Variants in NME7 observed in about 807,000 individuals in gnomAD.
NME7 encodes nucleoside diphosphate kinase 7.
A neutral mutation model predicts 49.1 loss-of-function variants in NME7; 41 were observed. That is an observed-to-expected ratio of 0.83 (90% CI 0.65 to 1.08). The LOEUF is 1.08. Among genes scored for constraint, NME7 ranks in the 50% least tolerant of loss-of-function variants. NME7 has a pLI of 0.00. For synonymous variants in NME7, 139 were observed against 150.6 expected (o/e 0.92, Z 0.56); for missense variants, 423 against 463.4 (o/e 0.91, Z 0.80).
chr1:169,275,251 T>C (rs142698411), intron 7 of NME7, among the ~76,000 whole-genome samples: 1,762 of 130,852 alleles, frequency 0.013, 218 homozygotes, highest in African/African-American at 0.043. Context: ...AGCTCACTCA[T>C]GATTTGGCTC....
At chr1:169,183,717 G>T (rs1028850655) in intron 10 of NME7, among the ~76,000 whole-genome samples, 1 of 152,098 alleles carries the variant, frequency 6.6e-6, no homozygotes, top group African/African-American at 2.4e-5. Flanking sequence ...CAGGAGAATG[G>T]CGTGAACCCG....
chr1:169,350,241 A>G (rs200096049), intron 1 of NME7, among the ~76,000 whole-genome samples: 31 of 3,724 alleles, frequency 8.3e-3, no homozygotes, highest in African/African-American at 0.017. Context: ...AAAGAAAGAA[A>G]GAAAGAAGGA....
At chr1:169,291,481 A>G (rs1191727231) in intron 6 of NME7, among the ~76,000 whole-genome samples, 1 of 152,046 alleles carries the variant, frequency 6.6e-6, no homozygotes, top group African/African-American at 2.4e-5. Context: ...GGAGGGGAAC[A>G]TCACACACCG....
chr1:169,171,489 G>A (rs1004068196), intron 10 of NME7, among the ~76,000 whole-genome samples: 16 of 152,300 alleles, frequency 1.1e-4, no homozygotes, highest in African/African-American at 2.6e-4. Flanking sequence ...TTGGCCTAGC[G>A]CGGTGGATCA....
intron 10 of NME7, among the ~76,000 whole-genome samples, chr1:169,217,297 T>C (rs1660997848): frequency 6.6e-6 from 1 of 152,194 alleles, no homozygotes. Flanking sequence ...GGTAGCCACA[T>C]GTGGCTATTA....
At chr1:169,221,212 T>C (rs12143963) in intron 10 of NME7, among the ~76,000 whole-genome samples, 37,263 of 152,196 alleles carry the variant, frequency 0.24, 5,536 homozygotes, top group Non-Finnish European at 0.34. Context: ...CAACTCACCA[T>C]CATCTTGTAC....
At chr1:169,297,182 C>G (rs1303316499) in intron 6 of NME7, among the ~76,000 whole-genome samples, 1 of 152,036 alleles carries the variant, frequency 6.6e-6, no homozygotes, top group African/African-American at 2.4e-5. Flanking sequence ...CCATATTGGC[C>G]AGGCTGGTCT....
At chr1:169,293,498 T>A (rs1571362916) in intron 6 of NME7, among the ~76,000 whole-genome samples, 1 of 152,152 alleles carries the variant, frequency 6.6e-6, no homozygotes, top group African/African-American at 2.4e-5. Context: ...CAACTTCTCA[T>A]TATATTTGGG....
rs1660260174 is a variant in NME7, at chr1:169,192,452, G to A, written c.991-22898C>T. ...AGCATTTACATTGTATTAGGTATAA[G>A]TAAACTAGAGATGATAAAGGAAGAT... On this transcript the variant is annotated intron_variant, in intron 10 of 11. Coordinates refer to ENST00000367811, the MANE Select transcript of NME7 (RefSeq NM_013330.5). Among the ~76,000 whole-genome samples the A allele has an allele frequency of 1.3e-5, 2 of 152,082 alleles. 1 individual carries two copies. The highest frequency in any genetic ancestry group is 3.8e-4 in the East Asian group (2 of 5,196).
At chr1:169,346,064 A>G (rs1314362729) in intron 1 of NME7, among the ~76,000 whole-genome samples, 2 of 151,852 alleles carry the variant, frequency 1.3e-5, no homozygotes, top group African/African-American at 2.4e-5. Context: ...CCACTTTACT[A>G]CCTCCACTGC....
At position 169,166,017 on chromosome 1, in the gene NME7, A is replaced by G. The variant is rs553385430; in HGVS notation, c.1098+3430T>C. Reference sequence around the variant, plus strand: ...AAGTTAGATCAGAAAAATTGCAATCATTTAGTAAATGGCTTTGCAAACTAC... The same window carrying G: ...AAGTTAGATCAGAAAAATTGCAATCGTTTAGTAAATGGCTTTGCAAACTAC... On this transcript the variant is annotated intron_variant, in intron 11 of 11. Coordinates refer to ENST00000367811, the MANE Select transcript of NME7 (RefSeq NM_013330.5). 2.6e-5 allele frequency among the ~76,000 whole-genome samples: 4 copies of G among 152,354 alleles called. No individual in the cohort carries two copies. In the East Asian group the frequency reaches 7.7e-4, roughly 29 times the overall value.
In NME7 at chr1:169,362,987, C is replaced by T. The variant is rs562529455; in HGVS notation, c.3+4721G>A. 1.1e-4 allele frequency among the ~76,000 whole-genome samples: 16 copies of T among 152,148 alleles called. No individual in the cohort carries two copies. In the Middle Eastern group the frequency reaches 0.014, roughly 129 times the overall value. ...ACGTGGTGGCTAACATAAACATAAT[C>T]CCAACACTTTGAGAGGCCAAGGTGG... On this transcript the variant is annotated intron_variant, in intron 1 of 11. Coordinates refer to ENST00000367811, the MANE Select transcript of NME7 (RefSeq NM_013330.5).
rs932996087 is a variant in NME7, at chr1:169,269,159, T to C, written c.754+18144A>G. On this transcript the variant is annotated intron_variant, in intron 7 of 11. Coordinates refer to ENST00000367811, the MANE Select transcript of NME7 (RefSeq NM_013330.5). ...ACTCTTGAGATTCCTTCTAAATCAATAAATCACCAGTTTTATTTAAAGTCC... is the reference window on the plus strand; with the variant it reads ...ACTCTTGAGATTCCTTCTAAATCAACAAATCACCAGTTTTATTTAAAGTCC... Among the ~76,000 whole-genome samples, 11 of 133,348 alleles carry C rather than the reference T, an allele frequency of 8.2e-5. 2 individuals carry two copies. The highest frequency in any genetic ancestry group is 2.3e-4 in the African/African-American group (9 of 39,526). 87.5% of individuals were successfully genotyped at this position (133,348 alleles called of 152,430 possible).
intron 7 of NME7, among the ~76,000 whole-genome samples, chr1:169,255,036 T>C (rs1365129498): frequency 7.4e-6 from 1 of 135,252 alleles, no homozygotes; most frequent in Admixed American, 7.3e-5. Context: ...AAAATGTATA[T>C]TCTGTTGATT....
intron 7 of NME7, among the ~76,000 whole-genome samples, chr1:169,242,051 A>G (rs1027134561): frequency 1.2e-4 from 18 of 151,996 alleles, no homozygotes; most frequent in African/African-American, 4.1e-4. Context: ...AGGCTCCTAA[A>G]TATCTGGGAT....
At chr1:169,345,942 A>C (rs1170899879) in intron 1 of NME7, among the ~76,000 whole-genome samples, 1 of 152,096 alleles carries the variant, frequency 6.6e-6, no homozygotes, top group Non-Finnish European at 1.5e-5. Flanking sequence ...CTCAGGACAA[A>C]ATCCTAGGGT....
intron 11 of NME7, among the ~76,000 whole-genome samples, chr1:169,159,184 G>A (rs531923062): frequency 6.8e-4 from 104 of 152,174 alleles, no homozygotes; most frequent in Admixed American, 5.5e-3. Context: ...GGCATTCTTC[G>A]CCTTTTGCCC....
At chr1:169,228,683 CAAAAAAAAAAAA>C (rs747705690) in intron 10 of NME7, among the ~76,000 whole-genome samples, 36,231 of 91,196 alleles carry the variant, frequency 0.4, 5,531 homozygotes, top group Non-Finnish European at 0.47. Flanking sequence ...GACTCCGTCT[CAAAAAAAAAAAA>C]AAAAAAAAAA....
intron 9 of NME7, among the ~76,000 whole-genome samples, chr1:169,234,359 A>G (rs1249919571): frequency 1.2e-4 from 18 of 152,150 alleles, no homozygotes; most frequent in Non-Finnish European, 7.4e-5. Context: ...AATATATATA[A>G]TAAGTGTGGA....
Sources: allele counts gnomAD v4.1 joint callset (sites outside exome capture counted in the v4.1 genomes callset), GRCh38; gene constraint gnomAD v4.1.1; transcripts MANE v1.5; gene names NCBI Gene and HGNC (gene_info 2026-07-23, HGNC 2026-07-21).